Variants in FAM53A observed in about 807,000 individuals in gnomAD.
FAM53A encodes the protein family with sequence similarity 53 member A, also known as protein FAM53A.
In FAM53A, 28 loss-of-function variants were observed where a neutral mutation model predicts 26.6. The ratio of observed to expected loss-of-function variants is 1.05; its 90% CI spans 0.78 to 1.45. The LOEUF (loss-of-function observed/expected upper bound fraction) is 1.45. Ranked by LOEUF, FAM53A falls within the 40% of genes most tolerant of loss-of-function variation. The pLI, the probability that FAM53A is intolerant of heterozygous loss-of-function variation, is 0.00. For missense variants in FAM53A, 650 were observed against 575.8 expected (o/e 1.13, Z -1.32); for synonymous variants, 290 against 253.1 (o/e 1.15, Z -1.38).
Position 1,641,370 on chromosome 4 carries a change from C to G in FAM53A, c.1120G>C (p.Gly374Arg). 1 of 1,611,142 alleles carries G rather than the reference C, an allele frequency of 6.2e-7. No homozygotes were observed. Among genetic ancestry groups the G allele is most frequent in the South Asian group, 1.1e-5 (1 of 90,772 alleles). Reference sequence around the variant, plus strand: ...ACGCCCTCCTCCCCGACACTGTCCCCATCACGGGGGTCCCCGCTGCTCCTG... The same window carrying G: ...ACGCCCTCCTCCCCGACACTGTCCCGATCACGGGGGTCCCCGCTGCTCCTG... ...SRRSSGDPRD[G>R]DSVGEEGVFP... Residue 374 changes from glycine (G) to arginine (R), a missense_variant, in exon 5 of 5, where the codon GGG becomes CGG. Physicochemically the swap from Gly to Arg is moderately radical, Grantham distance 125 (BLOSUM62 -2). Coordinates refer to ENST00000308132, the MANE Select transcript of FAM53A (RefSeq NM_001174070.3).
At chr4:1,612,268 T>C in the FAM53A span, among the ~76,000 whole-genome samples, 1 of 152,182 alleles carries the variant, frequency 6.6e-6, no homozygotes, top group Non-Finnish European at 1.5e-5. Flanking sequence ...ACAGGTGCCT[T>C]AAATCTTTTG....
At position 1,629,713 on chromosome 4, in the gene FAM53A, G is replaced by A. The variant is rs1715525931; in HGVS notation, c.432-11602C>T. Among the ~76,000 whole-genome samples, 3 of 152,218 alleles carry A rather than the reference G, an allele frequency of 2.0e-5. No homozygotes were observed. In the South Asian group the frequency reaches 6.2e-4, roughly 32 times the overall value. On this transcript the variant is annotated intron_variant, in intron 1 of 1. Coordinates refer to the FAM53A transcript ENST00000489029. ...CTCAGGCCCAGACTCAGCCCCTTGGGAAGAGGGACCCAACCTGGGGTCCCT... is the reference window on the plus strand; with the variant it reads ...CTCAGGCCCAGACTCAGCCCCTTGGAAAGAGGGACCCAACCTGGGGTCCCT...
upstream of FAM53A, among the ~76,000 whole-genome samples, chr4:1,684,643 C>G (rs1311367108): frequency 6.6e-6 from 1 of 151,810 alleles, no homozygotes; most frequent in East Asian, 1.9e-4. Context: ...GGGCAGGACG[C>G]GCAGCGAGGA....
At chr4:1,668,329 G>A (rs1283937079) in intron 2 of FAM53A, among the ~76,000 whole-genome samples, 2 of 152,146 alleles carry the variant, frequency 1.3e-5, no homozygotes, top group African/African-American at 2.4e-5. Context: ...TAGTAGAGAC[G>A]GGGTTTCAAC....
At position 1,668,240 on chromosome 4, in the gene FAM53A, T is replaced by C. The variant is rs187020849; in HGVS notation, c.75+427A>G. On this transcript the variant is annotated intron_variant, in intron 2 of 4. Coordinates refer to ENST00000308132, the MANE Select transcript of FAM53A (RefSeq NM_001174070.3). ...CTGCAAGCTCCGCCTCCCGGGTGCA[T>C]GCCATTCTCCTGCCTCAGCCTCCCG... Among the ~76,000 whole-genome samples, 924 of 151,720 alleles carry C rather than the reference T, an allele frequency of 6.1e-3. 7 individuals are homozygous for C. Among genetic ancestry groups the C allele is most frequent in the African/African-American group, 0.014 (571 of 41,408 alleles).
At chr4:1,592,474 A>T in the FAM53A span, among the ~76,000 whole-genome samples, 11 of 152,120 alleles carry the variant, frequency 7.2e-5, no homozygotes, top group Non-Finnish European at 1.5e-4. Flanking sequence ...AGGGGGCAGG[A>T]TCCCGGAGGC....
At chr4:1,675,950 C>T (rs186044989) in intron 1 of FAM53A, among the ~76,000 whole-genome samples, 5 of 152,372 alleles carry the variant, frequency 3.3e-5, no homozygotes, top group Admixed American at 3.3e-4. Context: ...GGCCGCCTCA[C>T]GGGACAGCGG....
chr4:1,661,389 C>T (rs1424593920), intron 2 of FAM53A, among the ~76,000 whole-genome samples: 1 of 152,206 alleles, frequency 6.6e-6, no homozygotes, highest in East Asian at 1.9e-4. Context: ...ACTATCGCGA[C>T]TCCTCAGTCA....
At chr4:1,618,605 AGC>A (rs1714897007) in intron 1 of FAM53A, among the ~76,000 whole-genome samples, 1 of 152,144 alleles carries the variant, frequency 6.6e-6, no homozygotes, top group Non-Finnish European at 1.5e-5. Context: ...GCTGTTTGGC[AGC>A]CTGAGGGGTG....
chr4:1,591,806 G>A, the FAM53A span, among the ~76,000 whole-genome samples: 4 of 152,274 alleles, frequency 2.6e-5, no homozygotes, highest in South Asian at 8.3e-4. Flanking sequence ...ACTCCCCAGA[G>A]GGCCGCAGGA....
At chr4:1,657,787 A>G (rs577718517) in intron 2 of FAM53A, among the ~76,000 whole-genome samples, 172 of 146,830 alleles carry the variant, frequency 1.2e-3, no homozygotes, top group Non-Finnish European at 2.0e-3. Context: ...ACAGGCGCCC[A>G]CCACCACGCC....
chr4:1,668,208 C>G (rs973322824), intron 2 of FAM53A, among the ~76,000 whole-genome samples: 2 of 151,318 alleles, frequency 1.3e-5, no homozygotes, highest in African/African-American at 4.9e-5. Flanking sequence ...GGAGCGATCT[C>G]GGCTCACTGC....
chr4:1,613,732 G>T (rs1714708432), downstream of FAM53A, among the ~76,000 whole-genome samples: 1 of 152,204 alleles, frequency 6.6e-6, no homozygotes, highest in Non-Finnish European at 1.5e-5. Context: ...CACCCCTGTG[G>T]TTAGTTCCAT....
rs187345570 is a variant in FAM53A at position 1,644,560 on chromosome 4, C to G, written c.883-2953G>C. 7.7e-6 allele frequency: 4 copies of G among 522,262 alleles called. No individual in the cohort carries two copies. The African/African-American group carries it at 7.7e-5, about 10-fold the overall frequency. 32.4% of individuals were successfully genotyped at this position (522,262 alleles called of 1,614,324 possible). On this transcript the variant is annotated intron_variant, in intron 4 of 4. Transcript: ENST00000308132. Reference sequence around the variant, plus strand: ...CCTGGACTGCGCCACCCATCCGCCTCGCGCCCCCTGTCCCTGGGCGCCAGC... The same window carrying G: ...CCTGGACTGCGCCACCCATCCGCCTGGCGCCCCCTGTCCCTGGGCGCCAGC...
At chr4:1,609,251 C>A in the FAM53A span, among the ~76,000 whole-genome samples, 3 of 152,018 alleles carry the variant, frequency 2.0e-5, no homozygotes, top group South Asian at 2.1e-4. Context: ...GGGTCCATGG[C>A]CAGCCCCACA....
chr4:1,671,374 G>C lies in FAM53A; in HGVS notation c.-164-2469C>G, dbSNP rs112793575. On this transcript the variant is annotated intron_variant, in intron 1 of 4. Transcript: ENST00000308132. ...ACGGCCCGGACTCACCTCTGTCCCA[G>C]CGTCAGAGCCACCAGCTCACAGCCA... Among the ~76,000 whole-genome samples the C allele has an allele frequency of 3.0e-4, 35 of 117,826 alleles. 1 individual carries two copies. The highest frequency in any genetic ancestry group is 6.5e-4 in the African/African-American group (19 of 29,286). The allele number at this position is 117,826 out of a possible 152,430, so 77.3% of individuals were successfully genotyped here.
At position 1,644,075 on chromosome 4, in the gene FAM53A, C is replaced by T. The variant is rs560915226; in HGVS notation, c.883-2468G>A. 4 of 1,386,252 alleles carry T rather than the reference C, an allele frequency of 2.9e-6. No individual in the cohort carries two copies. In the South Asian group the frequency reaches 5.7e-5, roughly 20 times the overall value. The allele number at this position is 1,386,252 out of a possible 1,614,324, so 85.9% of individuals were successfully genotyped here. On this transcript the variant is annotated intron_variant, in intron 4 of 4. Transcript: ENST00000308132. ...GGGTCTCACCAGCTCGGTCTGGTGT[C>T]ACCCGTGACCTTGCAGACTCTGGCT...
chr4:1,588,199 C>G, the FAM53A span, among the ~76,000 whole-genome samples: 1 of 152,216 alleles, frequency 6.6e-6, no homozygotes, highest in African/African-American at 2.4e-5. Flanking sequence ...AGGTGAATTC[C>G]TAGGTCCTCA....
At chr4:1,644,985 A>G (rs1025293106) in intron 4 of FAM53A, 11 of 152,316 alleles carry the variant, frequency 7.2e-5, no homozygotes, top group African/African-American at 2.7e-4. Flanking sequence ...TACTCTCTTG[A>G]GAAAGCGCAA....
Sources: gnomAD v4.1 joint callset for allele counts (sites outside exome capture counted in the v4.1 genomes callset) on GRCh38, gnomAD v4.1.1 for gene constraint, MANE v1.5 for transcripts, NCBI Gene and HGNC (gene_info 2026-07-23, HGNC 2026-07-21) for gene names.